The following LAMB1 variants were observed in gnomAD, a reference collection of about 807,000 sequenced individuals.
The protein encoded by LAMB1 is laminin subunit beta-1.
In LAMB1, 121 loss-of-function variants were observed where a neutral mutation model predicts 222.3. The observed-to-expected ratio is 0.54, with a 90% CI of 0.47 to 0.63. The LOEUF is 0.63. Among genes scored for constraint, LAMB1 ranks in the 30% least tolerant of loss-of-function variants. LAMB1 has a pLI of 0.00. For missense variants in LAMB1, 2,172 were observed against 2,240.8 expected, an observed-to-expected ratio of 0.97 and a Z score of 0.62; for synonymous variants, 794 against 807.2, an observed-to-expected ratio of 0.98 and a Z score of 0.28.
At position 107,924,371 on chromosome 7, in the gene LAMB1, CAAG is replaced by C; in HGVS notation, c.5080_5082del (p.Leu1694del). 1 of 1,608,084 alleles carries C rather than the reference CAAG, an allele frequency of 6.2e-7. No individual in the cohort carries two copies. Among genetic ancestry groups the C allele is most frequent in the Non-Finnish European group, 8.5e-7 (1 of 1,176,764 alleles). On this transcript the variant is annotated inframe_deletion, in exon 33 of 34. Transcript: ENST00000222399. The stretch of plus-strand genomic sequence containing the variant: ...TTTTCTACTTTTTTATACTTTTCAT[CAAG>C]TTCACCATCTAAAGTCTATAGTTCC...
chr7:107,965,913 A>T (rs564202082), intron 13 of LAMB1, among the ~76,000 whole-genome samples: 2 of 152,146 alleles, frequency 1.3e-5, no homozygotes, highest in African/African-American at 4.8e-5. Flanking sequence ...CCTGGCCAAC[A>T]TGGTGAAACC....
chr7:107,979,771 G>A (rs780006497), intron 8 of LAMB1, among the ~76,000 whole-genome samples: 1 of 152,182 alleles, frequency 6.6e-6, no homozygotes, highest in Non-Finnish European at 1.5e-5. Flanking sequence ...CATGGGTGTG[G>A]GTTAAAATTT....
At chr7:107,998,896 A>G (rs1414715288) in intron 3 of LAMB1, among the ~76,000 whole-genome samples, 1 of 152,272 alleles carries the variant, frequency 6.6e-6, no homozygotes, top group Non-Finnish European at 1.5e-5. Flanking sequence ...AAAAAAATAC[A>G]GTTCACTTGG....
chr7:107,933,060 T>C (rs2032750155), intron 27 of LAMB1, among the ~76,000 whole-genome samples: 1 of 152,314 alleles, frequency 6.6e-6, no homozygotes, highest in South Asian at 2.1e-4. Context: ...AGATGAAGTG[T>C]TCCCAAATTA....
intron 32 of LAMB1, among the ~76,000 whole-genome samples, chr7:107,925,213 T>C (rs1185141739): frequency 1.3e-5 from 2 of 152,128 alleles, no homozygotes; most frequent in Non-Finnish European, 2.9e-5. Context: ...AATTTTTGAA[T>C]AGTAGGGAGT....
intron 24 of LAMB1, among the ~76,000 whole-genome samples, chr7:107,947,500 C>T (rs1288759562): frequency 1.3e-5 from 2 of 152,210 alleles, no homozygotes; most frequent in Non-Finnish European, 2.9e-5. Context: ...AGCCCCTGTG[C>T]TCCTGTTTCT....
At chr7:108,002,507 T>A (rs1166510209) in intron 2 of LAMB1, 1 of 1,127,158 alleles carries the variant, frequency 8.9e-7, no homozygotes, top group Non-Finnish European at 1.2e-6. Context: ...TGGAGAGCCC[T>A]CCTCGGTCAG....
intron 15 of LAMB1, 71 bp downstream of exon 15, chr7:107,962,834 C>T (rs2033539082): frequency 2.4e-6 from 3 of 1,257,028 alleles, no homozygotes; most frequent in African/African-American, 1.5e-5. Context: ...TATATAATAC[C>T]CATTAGAAGT....
rs1333619836 is a variant in LAMB1, at chr7:107,926,285, A to G, written c.4962T>C (p.Asn1654=). Residue 1654 remains asparagine (N), a synonymous_variant, in exon 32 of 34, where the codon AAT becomes AAC. Coordinates refer to ENST00000222399, the MANE Select transcript of LAMB1 (RefSeq NM_002291.3). ...CAGCTTTCCGCTTAAGTTCTTCCAC[A>G]TTCCTCTCTAACTCGCTGATGCGCT... ...ASQRISELER[N]VEELKRKAAQ... The G allele has an allele frequency of 6.2e-7, 1 of 1,613,854 alleles. No individual in the cohort carries two copies. Among genetic ancestry groups the G allele is most frequent in the East Asian group, 2.2e-5 (1 of 44,888 alleles).
chr7:107,970,364 T>C (rs1330773560), intron 13 of LAMB1, among the ~76,000 whole-genome samples: 1 of 151,926 alleles, frequency 6.6e-6, no homozygotes, highest in East Asian at 1.9e-4. Context: ...AGCTGGTGCC[T>C]GTAGTCCCAA....
intron 24 of LAMB1, among the ~76,000 whole-genome samples, chr7:107,945,105 T>C (rs1244891520): frequency 6.6e-6 from 1 of 152,226 alleles, no homozygotes; most frequent in African/African-American, 2.4e-5. Flanking sequence ...AATGAGATAC[T>C]CATTTTAACA....
At chr7:107,998,516 A>C (rs1584545058) in intron 3 of LAMB1, 24 bp from the exon 4 acceptor site, 1 of 1,599,140 alleles carries the variant, frequency 6.3e-7, no homozygotes, top group East Asian at 2.2e-5. Flanking sequence ...TGAGTTCATC[A>C]GTCTAGAAAG....
rs1325434495 is a variant in LAMB1 at position 107,926,222 on chromosome 7, T to TAC, written c.5023_5024dup (p.Val1676Ter). Reference sequence around the variant, plus strand: ...CTGCACTTTGCTTCACAGTATATACTACTTTTTCAATATATTCTGCCTCCC... The same window carrying TAC: ...CTGCACTTTGCTTCACAGTATATACTACACTTTTTCAATATATTCTGCCTCCC... On this transcript the variant is annotated frameshift_variant, in exon 32 of 34. Transcript: ENST00000222399. LOFTEE classifies it high-confidence loss of function. 1 of 1,613,876 alleles carries TAC rather than the reference T, an allele frequency of 6.2e-7. No individual in the cohort carries two copies. Among genetic ancestry groups the TAC allele is most frequent in the South Asian group, 1.1e-5 (1 of 91,074 alleles).
At chr7:107,956,931 C>T (rs116337977) in intron 20 of LAMB1, among the ~76,000 whole-genome samples, 3,195 of 152,240 alleles carry the variant, frequency 0.021, 108 homozygotes, top group African/African-American at 0.071. Flanking sequence ...AAATAATGAG[C>T]CAGAATTTGA....
chr7:108,002,950 C>A lies in LAMB1; in HGVS notation c.-65G>T. 1 of 1,608,642 alleles carries A rather than the reference C, an allele frequency of 6.2e-7. No individual in the cohort carries two copies. Among genetic ancestry groups the A allele is most frequent in the Non-Finnish European group, 8.5e-7 (1 of 1,178,536 alleles). On this transcript the variant is annotated 5_prime_UTR_variant, in exon 2 of 34. Coordinates refer to ENST00000222399, the MANE Select transcript of LAMB1 (RefSeq NM_002291.3). ...GAGAAGACGCCCGCCGAGCCGCCTG[C>A]CCTTTCTTCCCGTCTTCCTTTCTGG... is the stretch of plus-strand genomic sequence containing the variant.
chr7:107,947,164 C>T (rs1015528649), intron 24 of LAMB1, among the ~76,000 whole-genome samples: 1 of 152,198 alleles, frequency 6.6e-6, no homozygotes, highest in African/African-American at 2.4e-5. Flanking sequence ...CATCGACCAA[C>T]AGCCCCAACC....
chr7:107,963,212 G>A, intron 14 of LAMB1, 149 bp from the exon 15 acceptor site: 2 of 724,360 alleles, frequency 2.8e-6, no homozygotes, highest in Non-Finnish European at 4.4e-6. Flanking sequence ...CTAATAGATT[G>A]TAAAAAGTTT....
At chr7:107,961,122 A>G in intron 17 of LAMB1, 84 bp downstream of exon 17, 1 of 1,519,218 alleles carries the variant, frequency 6.6e-7, no homozygotes. Flanking sequence ...CCTCAGCATT[A>G]CCCCTCAACA....
chr7:107,977,442 A>T (rs543656713), intron 9 of LAMB1, among the ~76,000 whole-genome samples: 1 of 152,238 alleles, frequency 6.6e-6, no homozygotes, highest in Admixed American at 6.5e-5. Context: ...TTAGACCTTC[A>T]TCAGCTACCC....
Sources: gnomAD v4.1 joint callset for allele counts (sites outside exome capture counted in the v4.1 genomes callset) on GRCh38, gnomAD v4.1.1 for gene constraint, MANE v1.5 for transcripts, NCBI Gene and HGNC (gene_info 2026-07-23, HGNC 2026-07-21) for gene names.